AKAP8: variants seen among roughly 807,000 people sequenced by gnomAD.
AKAP8 encodes the protein A-kinase anchor protein 8.
Under a neutral mutation model 67.5 loss-of-function variants are expected in AKAP8, and 24 were observed. That is an observed-to-expected ratio of 0.36 (90% CI 0.26 to 0.50). The LOEUF is 0.50. Among genes scored for constraint, AKAP8 ranks in the 20% least tolerant of loss-of-function variants. The pLI is 0.97. For missense variants in AKAP8, 971 were observed against 955.9 expected (o/e 1.02, Z -0.21); for synonymous variants, 400 against 371.1 (o/e 1.08, Z -0.90).
chr19:15,355,213 G>C lies in AKAP8; in HGVS notation c.1781C>G (p.Ala594Gly), dbSNP rs765576072. 1.2e-6 allele frequency: 2 copies of C among 1,611,264 alleles called. No homozygotes were observed. The highest frequency in any genetic ancestry group is 1.7e-5 in the Admixed American group (1 of 60,016). Residue 594 changes from alanine (A) to glycine (G), a missense_variant, in exon 14 of 14, where the codon GCG (alanine) becomes GGG (glycine). By Grantham distance (60) the Ala-to-Gly change is moderately conservative. Around this residue, in one of 3 missense-constraint regions of AKAP8, gnomAD observed 204 missense variants for 193.0 expected, o/e 1.06. Transcript: ENST00000269701. The stretch of plus-strand genomic sequence containing the variant: ...CTCCCCGCTGCTCTCTGGAGCGGGC[G>C]CTCCTTCCCCATCTACGGCCCTCAC... ...AAVRAVDGEG[A>G]PAPESSGEPA...
At chr19:15,358,113 A>C (rs1186652382) in intron 13 of AKAP8, among the ~76,000 whole-genome samples, 1 of 152,210 alleles carries the variant, frequency 6.6e-6, no homozygotes, top group Admixed American at 6.6e-5. Context: ...GGACTTAGCC[A>C]CCTGCCCCAA....
chr19:15,364,908 C>T (rs547853618), intron 9 of AKAP8, among the ~76,000 whole-genome samples: 3 of 152,228 alleles, frequency 2.0e-5, no homozygotes, highest in African/African-American at 2.4e-5. Flanking sequence ...TGCATGCCAC[C>T]GCACTCAGCC....
chr19:15,369,574 A>G lies in AKAP8; in HGVS notation c.1072+572T>C, dbSNP rs1228886169. On this transcript the variant is annotated intron_variant, in intron 8 of 13. Transcript: ENST00000269701. This position sits in a 1 kb window ranked among gnomAD's most constrained non-coding sequence, Gnocchi z 4.6. ...TGCTGCAGACCCTCTGGTCTCCTGC[A>G]TTGGACATGAAGAGACCTGCTGAAG... Among the ~76,000 whole-genome samples, 1 of 152,190 alleles carries G rather than the reference A, an allele frequency of 6.6e-6. No individual in the cohort carries two copies. Among genetic ancestry groups the G allele is most frequent in the Admixed American group, 6.5e-5 (1 of 15,286 alleles).
At chr19:15,357,893 G>A (rs865883940) in intron 13 of AKAP8, among the ~76,000 whole-genome samples, 19 of 151,940 alleles carry the variant, frequency 1.3e-4, no homozygotes, top group African/African-American at 4.6e-4. Flanking sequence ...TGTTGTCCGG[G>A]CTGGTCTTGA....
intron 13 of AKAP8, among the ~76,000 whole-genome samples, chr19:15,355,924 C>T (rs1037440545): frequency 6.6e-6 from 1 of 151,732 alleles, no homozygotes; most frequent in South Asian, 2.1e-4. Context: ...TTAGTGGAGA[C>T]GGGGTTTCAC....
At chr19:15,370,067 G>A (rs746804221) in intron 8 of AKAP8, 79 bp downstream of exon 8, 1 of 1,567,718 alleles carries the variant, frequency 6.4e-7, no homozygotes, top group Non-Finnish European at 8.8e-7. Flanking sequence ...CAGGCCCCTG[G>A]CTTGCTCAGA....
At position 15,373,026 on chromosome 19, in the gene AKAP8, T is replaced by C; in HGVS notation, c.686A>G (p.Tyr229Cys). Residue 229 changes from tyrosine (Y) to cysteine (C), a missense_variant, in exon 5 of 14, where the codon TAC (tyrosine) becomes TGC (cysteine). By Grantham distance (194) the Tyr-to-Cys change is radical. Coordinates refer to ENST00000269701, the MANE Select transcript of AKAP8 (RefSeq NM_005858.4). ...CCCTCCCAGGCCCCGTCCACCCACG[T>C]AGTTCAGCTCGTTCCAGGGCGTGGA... ...PLSTPWNELN[Y>C]VGGRGLGGPS... is the part of the protein sequence containing the mutation. The C allele has an allele frequency of 6.3e-7, 1 of 1,590,476 alleles. No individual in the cohort carries two copies. Among genetic ancestry groups the C allele is most frequent in the Non-Finnish European group, 8.6e-7 (1 of 1,166,048 alleles).
rs1261504220 is a variant in AKAP8 at position 15,360,959 on chromosome 19, G to A, written c.1416C>T (p.Phe472=). ...DPFKGIGQEH[F]FKKIEAAHCL... ...AGTGAGCAGCCTCGATCTTCTTGAA[G>A]AAGTGCTCCTGGCCAATCCCTGCCA... Residue 472 remains phenylalanine (F), a synonymous_variant, in exon 12 of 14, where the codon TTC becomes TTT. Coordinates refer to ENST00000269701, the MANE Select transcript of AKAP8 (RefSeq NM_005858.4). 1 of 1,613,338 alleles carries A rather than the reference G, an allele frequency of 6.2e-7. No individual in the cohort carries two copies. The highest frequency in any genetic ancestry group is 1.7e-5 in the Admixed American group (1 of 59,986).
At chr19:15,360,092 G>GCA (rs1966941573) in intron 12 of AKAP8, among the ~76,000 whole-genome samples, 1 of 150,728 alleles carries the variant, frequency 6.6e-6, no homozygotes, top group African/African-American at 2.4e-5. Flanking sequence ...CTGAGATCGT[G>GCA]CCACTGCACT....
rs201103360 is a variant in AKAP8 at position 15,374,588 on chromosome 19, C to T, written c.91+15G>A. On this transcript the variant is annotated intron_variant, in intron 3 of 13. Coordinates refer to ENST00000269701, the MANE Select transcript of AKAP8 (RefSeq NM_005858.4). ...CACTTGCCCGCCCACAGACCCCCCC[C>T]ACAGAAGGGCTTACCTTGCCAGCTG... is the stretch of plus-strand genomic sequence containing the variant. 4 of 1,613,054 alleles carry T rather than the reference C, an allele frequency of 2.5e-6. No individual in the cohort carries two copies. Among genetic ancestry groups the T allele is most frequent in the East Asian group, 2.2e-5 (1 of 44,784 alleles).
At chr19:15,368,839 C>T (rs1428839743) in intron 8 of AKAP8, 2 of 985,170 alleles carry the variant, frequency 2.0e-6, no homozygotes. Flanking sequence ...TCCTTGCTGG[C>T]CCGACCTCTA....
intron 1 of AKAP8, among the ~76,000 whole-genome samples, chr19:15,377,951 G>C (rs529884875): frequency 2.0e-5 from 3 of 152,164 alleles, no homozygotes; most frequent in African/African-American, 7.2e-5. Flanking sequence ...GTGTCCCTGG[G>C]GCCCAGCACT....
chr19:15,363,433 G>C (rs1967011803), intron 9 of AKAP8, among the ~76,000 whole-genome samples: 1 of 149,472 alleles, frequency 6.7e-6, no homozygotes, highest in African/African-American at 2.5e-5. Flanking sequence ...CCCCTACTGG[G>C]AAGTGAGGAG....
At chr19:15,378,763 T>C (rs1967305862) in intron 1 of AKAP8, among the ~76,000 whole-genome samples, 1 of 152,208 alleles carries the variant, frequency 6.6e-6, no homozygotes, top group Non-Finnish European at 1.5e-5. Flanking sequence ...CCACCCAGCA[T>C]GTCCCAACTA....
Position 15,372,717 on chromosome 19 carries a change from C to T in AKAP8, c.861+134G>A, listed in dbSNP as rs1013152155. 66 of 1,278,048 alleles carry T rather than the reference C, an allele frequency of 5.2e-5. 1 individual carries two copies. In the South Asian group the frequency reaches 1.3e-3, roughly 24 times the overall value. 79.2% of individuals were successfully genotyped at this position (1,278,048 alleles called of 1,614,324 possible). On this transcript the variant is annotated intron_variant, in intron 5 of 13. Coordinates refer to ENST00000269701, the MANE Select transcript of AKAP8 (RefSeq NM_005858.4). ...GTGATGGTGGGGATGGTTGCACAAT[C>T]CTGTAAATTAACTAAAAGTCGAACT...
chr19:15,370,886 TC>T (rs1357119315), intron 7 of AKAP8, among the ~76,000 whole-genome samples: 1 of 152,136 alleles, frequency 6.6e-6, no homozygotes, highest in Admixed American at 6.5e-5. Flanking sequence ...CGCCTTGGCC[TC>T]CCAAAGTGCT....
chr19:15,374,015 C>T lies in AKAP8; in HGVS notation c.142G>A (p.Gly48Ser), dbSNP rs1967209137. The T allele has an allele frequency of 6.2e-7, 1 of 1,602,286 alleles. No individual in the cohort carries two copies. Among genetic ancestry groups the T allele is most frequent in the African/African-American group, 1.3e-5 (1 of 74,124 alleles). Residue 48 changes from glycine to serine, a missense_variant, in exon 4 of 14, where the codon GGC becomes AGC. Transcript: ENST00000269701. ...GCTGGGCCGTAGCTGTAGGTTGCGC[C>T]TGTGGTGACACTGGTGTTCTGGGCG... Reference protein sequence around the residue: ...YGAQNTSVTTGATYSYGPASW... With the variant: ...YGAQNTSVTTSATYSYGPASW...
chr19:15,369,801 C>G lies in AKAP8; in HGVS notation c.1072+345G>C, dbSNP rs867221809. ...AGAGAAAACACTTCAGGGAAATGCACTGGCCGAGGAGGGCACAGAAGATGG... is the reference window on the plus strand; with the variant it reads ...AGAGAAAACACTTCAGGGAAATGCAGTGGCCGAGGAGGGCACAGAAGATGG... On this transcript the variant is annotated intron_variant, in intron 8 of 13. Coordinates refer to ENST00000269701, the MANE Select transcript of AKAP8 (RefSeq NM_005858.4). This position sits in a 1 kb window ranked among gnomAD's most constrained non-coding sequence, Gnocchi z 4.6. Among the ~76,000 whole-genome samples, 79 of 152,242 alleles carry G rather than the reference C, an allele frequency of 5.2e-4. 1 individual carries two copies. The highest frequency in any genetic ancestry group is 1.6e-3 in the African/African-American group (65 of 41,454).
At chr19:15,368,392 G>T in intron 8 of AKAP8, 70 bp from the exon 9 acceptor site, 1 of 1,605,828 alleles carries the variant, frequency 6.2e-7, no homozygotes, top group East Asian at 2.2e-5. Flanking sequence ...GGGCCTGGTC[G>T]GGGGGCTGCA....
Sources: allele counts gnomAD v4.1 joint callset (sites outside exome capture counted in the v4.1 genomes callset), GRCh38; gene constraint gnomAD v4.1.1; regional missense constraint gnomAD v4.1.1; non-coding constraint Gnocchi (gnomAD v3.1); transcripts MANE v1.5; gene names NCBI Gene and HGNC (gene_info 2026-07-23, HGNC 2026-07-21).